The following ERP27 variants were observed in gnomAD, a reference collection of about 807,000 sequenced individuals.
The protein encoded by ERP27 is endoplasmic reticulum protein 27.
ERP27 carries 23 observed loss-of-function variants against 27.7 expected under a neutral mutation model. The ratio of observed to expected loss-of-function variants is 0.83; its 90% CI spans 0.60 to 1.18. The LOEUF (loss-of-function observed/expected upper bound fraction) is 1.18, where lower values mean the gene tolerates loss of function less well. ERP27 is among the 50% of genes most tolerant of loss of function. The pLI is 0.00. For synonymous variants in ERP27, 159 were observed against 118.3 expected, an observed-to-expected ratio of 1.34 and a Z score of -2.23; for missense variants, 363 against 327.9, an observed-to-expected ratio of 1.11 and a Z score of -0.83.
At chr12:14,937,486 A>G (rs1863789433) in intron 2 of ERP27, among the ~76,000 whole-genome samples, 2 of 152,170 alleles carry the variant, frequency 1.3e-5, no homozygotes, top group South Asian at 4.1e-4. Context: ...AGAGTCTACC[A>G]TATTTGGGGG....
intron 2 of ERP27, 117 bp from the exon 3 acceptor site, chr12:14,935,110 C>T: frequency 1.3e-6 from 2 of 1,484,792 alleles, no homozygotes; most frequent in Non-Finnish European, 1.8e-6. Flanking sequence ...ATTTACTGCC[C>T]AGTAACACAT....
rs112391555 is a variant in ERP27 at position 14,914,617 on chromosome 12, C to CAT, written c.*117_*118insAT. On this transcript the variant is annotated 3_prime_UTR_variant, in exon 7 of 7. Transcript: ENST00000266397. ...ACGCGTGCGTGCGTGTGTGCACGTG[C>CAT]GTGTGTGTGTGGTTGGCAGGCCTAG... 0.022 allele frequency: 17,143 copies of CAT among 785,646 alleles called. 899 individuals are homozygous for CAT. The highest frequency in any genetic ancestry group is 0.16 in the African/African-American group (9,031 of 57,980). 48.7% of individuals were successfully genotyped at this position (785,646 alleles called of 1,614,324 possible).
intron 3 of ERP27, among the ~76,000 whole-genome samples, chr12:14,922,972 G>C (rs1018128534): frequency 6.6e-6 from 1 of 151,606 alleles, no homozygotes; most frequent in Non-Finnish European, 1.5e-5. Flanking sequence ...TGGAGGCTAA[G>C]GCAGGAGAAT....
At chr12:14,933,131 C>T (rs951092894) in intron 3 of ERP27, among the ~76,000 whole-genome samples, 2 of 152,156 alleles carry the variant, frequency 1.3e-5, no homozygotes, top group African/African-American at 2.4e-5. Flanking sequence ...TAAACAAATA[C>T]TTAGTGAGCA....
Position 14,935,005 on chromosome 12 carries a change from A to G in ERP27, c.196-12T>C. The G allele has an allele frequency of 6.2e-7, 1 of 1,612,866 alleles. No individual in the cohort carries two copies. Among genetic ancestry groups the G allele is most frequent in the South Asian group, 1.1e-5 (1 of 90,930 alleles). ...GGTATTTCTAAATCCTAAAAACAAG[A>G]GAAAAAATAATACCACAGTGGTTAT... On this transcript the variant is annotated splice_polypyrimidine_tract_variant and intron_variant, in intron 2 of 6. Transcript: ENST00000266397.
intron 3 of ERP27, chr12:14,929,273 G>T: frequency 1.8e-6 from 1 of 549,788 alleles, no homozygotes; most frequent in Non-Finnish European, 2.7e-6. Flanking sequence ...GTTAAGTGGT[G>T]ATAACATTCT....
At position 14,929,163 on chromosome 12, in the gene ERP27, G is replaced by A. The variant is rs180704603; in HGVS notation, c.333+5693C>T. On this transcript the variant is annotated intron_variant, in intron 3 of 6. Transcript: ENST00000266397. ...TCCCCCCCTCCCTGTACTCTTTTCC[G>A]GGCAGTCCTTCATACTTCCCAGAAC... 1,606 of 1,391,704 alleles carry A rather than the reference G, an allele frequency of 1.2e-3. 16 individuals carry two copies. In the African/African-American group the frequency reaches 0.022, roughly 19 times the overall value. The allele number at this position is 1,391,704 out of a possible 1,614,324, so 86.2% of individuals were successfully genotyped here. A position where few individuals can be genotyped will look rare whatever the true frequency, so the allele number is the denominator to read the frequency against.
rs557303740 is a variant in ERP27, at chr12:14,917,080, G to A, written c.576+98C>T. 138 of 1,436,110 alleles carry A rather than the reference G, an allele frequency of 9.6e-5. 3 individuals carry two copies. The South Asian group carries it at 1.3e-3, about 14-fold the overall frequency. 89.0% of individuals were successfully genotyped at this position (1,436,110 alleles called of 1,614,324 possible). ...CTTGCTTTGCTATCTCCTAACCATA[G>A]TTGTTTTCCTTATTTATCTCTGCTT... is the stretch of plus-strand genomic sequence containing the variant. On this transcript the variant is annotated intron_variant, in intron 5 of 6. Transcript: ENST00000266397.
At chr12:14,917,903 A>G (rs1863437681) in intron 4 of ERP27, among the ~76,000 whole-genome samples, 1 of 152,190 alleles carries the variant, frequency 6.6e-6, no homozygotes, top group African/African-American at 2.4e-5. Flanking sequence ...TTTTATTTGA[A>G]ACTCCTAAGA....
chr12:14,915,899 T>C, intron 5 of ERP27: 1 of 517,598 alleles, frequency 1.9e-6, no homozygotes, highest in Non-Finnish European at 3.4e-6. Context: ...GCTATTATCC[T>C]TAGCAAACTA....
At position 14,914,569 on chromosome 12, in the gene ERP27, T is replaced by TGC. The variant is rs1565447554; in HGVS notation, c.*165_*166insGC. ...CAGGAAATGAAGCTCTGTGTGTGTGTGTGTGTGTGCGTGTGTGTGTGCACG... is the reference window on the plus strand; with the variant it reads ...CAGGAAATGAAGCTCTGTGTGTGTGTGCGTGTGTGTGCGTGTGTGTGTGCACG... On this transcript the variant is annotated 3_prime_UTR_variant, in exon 7 of 7. Coordinates refer to ENST00000266397, the MANE Select transcript of ERP27 (RefSeq NM_152321.4). 6.7e-5 allele frequency: 36 copies of TGC among 541,178 alleles called. No individual in the cohort carries two copies. Among genetic ancestry groups the TGC allele is most frequent in the Non-Finnish European group, 7.8e-5 (25 of 318,492 alleles). 33.5% of individuals were successfully genotyped at this position (541,178 alleles called of 1,614,324 possible).
At chr12:14,936,020 C>T (rs1863767981) in intron 2 of ERP27, among the ~76,000 whole-genome samples, 1 of 152,108 alleles carries the variant, frequency 6.6e-6, no homozygotes, top group Non-Finnish European at 1.5e-5. Flanking sequence ...CTGTGCCCGG[C>T]CAAGATGTAC....
rs750868909 is a variant in ERP27 at position 14,935,001 on chromosome 12, CAA to C, written c.196-10_196-9del. ...TGCTGGTATTTCTAAATCCTAAAAACAAGAGAAAAAATAATACCACAGTGGTT... is the reference window on the plus strand; with the variant it reads ...TGCTGGTATTTCTAAATCCTAAAAACGAGAAAAAATAATACCACAGTGGTT... On this transcript the variant is annotated splice_polypyrimidine_tract_variant and intron_variant, in intron 2 of 6. Coordinates refer to ENST00000266397, the MANE Select transcript of ERP27 (RefSeq NM_152321.4). 2.3e-5 allele frequency: 37 copies of C among 1,611,970 alleles called. No homozygotes were observed. In the South Asian group the frequency reaches 3.4e-4, roughly 15 times the overall value.
At chr12:14,916,165 CTTAAAAG>C (rs1433328865) in intron 5 of ERP27, among the ~76,000 whole-genome samples, 2 of 152,058 alleles carry the variant, frequency 1.3e-5, no homozygotes, top group African/African-American at 4.8e-5. Context: ...TACCCCTGAA[CTTAAAAG>C]TTAAAAAAAA....
chr12:14,932,052 A>C (rs1328418314), intron 3 of ERP27, among the ~76,000 whole-genome samples: 6 of 152,172 alleles, frequency 3.9e-5, no homozygotes, highest in African/African-American at 1.4e-4. Flanking sequence ...AAGGGAGCTC[A>C]CACAACTTCA....
intron 3 of ERP27, among the ~76,000 whole-genome samples, chr12:14,927,333 ATG>A (rs764881010): frequency 2.1e-4 from 32 of 151,140 alleles, no homozygotes; most frequent in East Asian, 9.8e-4. Flanking sequence ...GCGTGTGTGC[ATG>A]TGTGTGTGTG....
At chr12:14,928,848 C>A in intron 3 of ERP27, 1 of 1,258,556 alleles carries the variant, frequency 7.9e-7, no homozygotes, top group Middle Eastern at 1.8e-4. Flanking sequence ...CCTTCCCCTT[C>A]CCTTGCCCAT....
chr12:14,919,554 A>G (rs1454126155), intron 4 of ERP27, among the ~76,000 whole-genome samples: 1 of 152,096 alleles, frequency 6.6e-6, no homozygotes, highest in African/African-American at 2.4e-5. Context: ...AGAGTCACCA[A>G]CTCCACAGAG....
intron 4 of ERP27, among the ~76,000 whole-genome samples, chr12:14,920,144 A>T (rs1863478182): frequency 6.6e-6 from 1 of 152,258 alleles, no homozygotes; most frequent in African/African-American, 2.4e-5. Flanking sequence ...AGGATGGGAC[A>T]CATAAGATAA....
Sources: gnomAD v4.1 joint callset for allele counts (sites outside exome capture counted in the v4.1 genomes callset) on GRCh38, gnomAD v4.1.1 for gene constraint, MANE v1.5 for transcripts, NCBI Gene and HGNC (gene_info 2026-07-23, HGNC 2026-07-21) for gene names.